ANKAR: variants seen among roughly 807,000 people sequenced by gnomAD.
ANKAR encodes ankyrin and armadillo repeat containing, also known as ankyrin and armadillo repeat-containing protein.
ANKAR carries 136 observed loss-of-function variants against 146.2 expected under a neutral mutation model. That is an observed-to-expected ratio of 0.93 (90% CI 0.81 to 1.07). The LOEUF is 1.07. Ranked by LOEUF, ANKAR falls within the 50% of genes least tolerant of loss-of-function variation. ANKAR has a pLI of 0.00. For synonymous variants in ANKAR, 500 were observed against 575.8 expected (o/e 0.87, Z 1.88); for missense variants, 1,567 against 1,679.9 (o/e 0.93, Z 1.18).
chr2:189,729,873 G>A (rs769337096), intron 15 of ANKAR, among the ~76,000 whole-genome samples: 6 of 151,836 alleles, frequency 4.0e-5, no homozygotes. Context: ...TAAACCCACT[G>A]TATATTTATT....
chr2:189,712,524 A>G (rs1323082939), intron 10 of ANKAR, among the ~76,000 whole-genome samples: 1 of 152,234 alleles, frequency 6.6e-6, no homozygotes, highest in African/African-American at 2.4e-5. Flanking sequence ...CCTGCAGCTG[A>G]GGGACCTGAC....
chr2:189,692,207 T>C, intron 3 of ANKAR, 48 bp from the exon 4 acceptor site: 1 of 1,486,890 alleles, frequency 6.7e-7, no homozygotes, highest in Non-Finnish European at 9.1e-7. Flanking sequence ...AAATATGACT[T>C]TATGTGCTGT....
chr2:189,686,207 A>C (rs771549447), intron 2 of ANKAR, among the ~76,000 whole-genome samples: 1 of 152,230 alleles, frequency 6.6e-6, no homozygotes, highest in Non-Finnish European at 1.5e-5. Context: ...CCTTTTTAAA[A>C]AAAAGATTTG....
intron 7 of ANKAR, among the ~76,000 whole-genome samples, chr2:189,698,950 GCT>G (rs1393276891): frequency 9.2e-5 from 14 of 152,186 alleles, no homozygotes; most frequent in African/African-American, 2.9e-4. Context: ...CTACATTATT[GCT>G]CTCTCTTTTT....
Position 189,689,693 on chromosome 2 carries a change from G to A in ANKAR, c.768G>A (p.Gln256=). Residue 256 remains glutamine, a synonymous_variant, in exon 3 of 23, where the codon CAG becomes CAA. Coordinates refer to ENST00000684021, the MANE Select transcript of ANKAR (RefSeq NM_001378068.1). ...KLTFSTTQIQ[Q]YENVFIFETG... is the part of the protein sequence containing the mutation. ...CATTCAGTACCACACAAATTCAACAGTATGAAAATGTCTTTATATTTGAAA... is the reference window on the plus strand; with the variant it reads ...CATTCAGTACCACACAAATTCAACAATATGAAAATGTCTTTATATTTGAAA... 1 of 1,613,534 alleles carries A rather than the reference G, an allele frequency of 6.2e-7. No homozygotes were observed. The highest frequency in any genetic ancestry group is 8.5e-7 in the Non-Finnish European group (1 of 1,179,698).
chr2:189,737,906 C>A (rs1180682173), intron 18 of ANKAR, 65 bp downstream of exon 18: 10 of 1,425,776 alleles, frequency 7.0e-6, no homozygotes, highest in Non-Finnish European at 8.3e-6. Flanking sequence ...TTGAAAATTA[C>A]AACAATTTGG....
chr2:189,753,924 C>A, intron 18 of ANKAR: 4 of 1,613,340 alleles, frequency 2.5e-6, no homozygotes, highest in Non-Finnish European at 3.4e-6. Context: ...ACCAGTACTG[C>A]ATTATTTTGA....
At chr2:189,754,922 C>T (rs1188832894) in intron 18 of ANKAR, 7 of 463,410 alleles carry the variant, frequency 1.5e-5, no homozygotes, top group South Asian at 6.4e-5. Flanking sequence ...TGGCAAAATA[C>T]ATAACTGTAT....
chr2:189,704,323 T>G (rs1475631163), intron 7 of ANKAR, among the ~76,000 whole-genome samples: 3 of 150,838 alleles, frequency 2.0e-5, no homozygotes, highest in Non-Finnish European at 4.4e-5. Flanking sequence ...TTTTTGTATT[T>G]TTAGTAGACC....
At chr2:189,701,548 C>T (rs2105618718) in intron 7 of ANKAR, among the ~76,000 whole-genome samples, 1 of 152,322 alleles carries the variant, frequency 6.6e-6, no homozygotes, top group African/African-American at 2.4e-5. Context: ...GAGGTTTCTA[C>T]TGATATATCT....
chr2:189,756,236 G>C (rs2046063971), intron 18 of ANKAR, among the ~76,000 whole-genome samples: 1 of 152,194 alleles, frequency 6.6e-6, no homozygotes, highest in East Asian at 1.9e-4. Flanking sequence ...CTGGTGCTCA[G>C]AGTTTGTAAT....
intron 16 of ANKAR, 62 bp from the exon 17 acceptor site, chr2:189,733,045 A>G (rs899769167): frequency 1.3e-6 from 2 of 1,483,722 alleles, no homozygotes; most frequent in African/African-American, 2.8e-5. Flanking sequence ...ATGCCTGCAC[A>G]ATGAAATGTG....
At chr2:189,754,597 G>T in intron 18 of ANKAR, 1 of 441,000 alleles carries the variant, frequency 2.3e-6, no homozygotes, top group Non-Finnish European at 4.0e-6. Context: ...TTGGAAAATG[G>T]GCTTGAAGTT....
intron 7 of ANKAR, among the ~76,000 whole-genome samples, chr2:189,704,072 G>T (rs939398656): frequency 6.6e-6 from 1 of 152,012 alleles, no homozygotes; most frequent in South Asian, 2.1e-4. Flanking sequence ...AGAATAATTT[G>T]GCAATATATA....
chr2:189,685,160 C>A (rs2035365614), intron 2 of ANKAR, among the ~76,000 whole-genome samples: 1 of 152,038 alleles, frequency 6.6e-6, no homozygotes, highest in Admixed American at 6.6e-5. Context: ...AACTTGCCAC[C>A]ATGCCCAGCT....
downstream of ANKAR, among the ~76,000 whole-genome samples, chr2:189,748,371 T>A (rs2044495489): frequency 6.6e-6 from 1 of 152,054 alleles, no homozygotes; most frequent in Non-Finnish European, 1.5e-5. Flanking sequence ...TTATGCTGAG[T>A]GTGGTGGTAC....
rs112377488 is a variant in ANKAR at position 189,689,584 on chromosome 2, A to G, written c.659A>G (p.Asn220Ser). ...DFNEIYDEDV[N>S]EDPTYDPNSP... ...AATGAAATCTATGATGAAGACGTGA[A>G]TGAAGATCCAACATATGATCCCAAC... Residue 220 changes from asparagine (N) to serine (S), a missense_variant, in exon 3 of 23, where the codon AAT (asparagine) becomes AGT (serine). Physicochemically the swap from Asn to Ser is conservative, Grantham distance 46. Transcript: ENST00000684021. 3 of 1,612,398 alleles carry G rather than the reference A, an allele frequency of 1.9e-6. No individual in the cohort carries two copies. The highest frequency in any genetic ancestry group is 3.3e-4 in the Middle Eastern group (2 of 6,056).
At chr2:189,750,461 A>T (rs2044995560), downstream of ANKAR, 4 of 586,202 alleles carry the variant, frequency 6.8e-6, no homozygotes, top group Admixed American at 7.2e-5. Flanking sequence ...GAAAAAAAAA[A>T]ATAAAATCTT....
intron 18 of ANKAR, chr2:189,754,066 T>C: frequency 6.2e-7 from 1 of 1,612,662 alleles, no homozygotes. Context: ...TCTCAATACC[T>C]GCAGAAATGA....
Sources: allele counts gnomAD v4.1 joint callset (sites outside exome capture counted in the v4.1 genomes callset), GRCh38; gene constraint gnomAD v4.1.1; transcripts MANE v1.5; gene names NCBI Gene and HGNC (gene_info 2026-07-23, HGNC 2026-07-21).